Variants in CTNNA2 observed in about 807,000 individuals in gnomAD.
CTNNA2 encodes catenin alpha 2.
In CTNNA2, 42 loss-of-function variants were observed where a neutral mutation model predicts 101.0. The observed-to-expected ratio is 0.42, with a 90% CI of 0.32 to 0.54. The LOEUF (loss-of-function observed/expected upper bound fraction) is 0.54. Ranked by LOEUF, CTNNA2 falls within the 20% of genes least tolerant of loss-of-function variation. The probability of loss-of-function intolerance (pLI) is 0.14; values close to 1 mark genes in which losing one functional copy is unlikely to be tolerated. For synonymous variants in CTNNA2, 450 were observed against 456.4 expected (o/e 0.99, Z 0.18); for missense variants, 871 against 1,223.1 (o/e 0.71, Z 4.29).
At chr2:79,494,762 C>A (rs2104567790) in intron 4 of CTNNA2, among the ~76,000 whole-genome samples, 1 of 151,898 alleles carries the variant, frequency 6.6e-6, no homozygotes, top group East Asian at 1.9e-4. Context: ...GTCTTAGAGA[C>A]AACATTAAAA....
intron 1 of CTNNA2, among the ~76,000 whole-genome samples, chr2:79,531,374 T>C (rs1672734255): frequency 6.6e-6 from 1 of 151,900 alleles, no homozygotes; most frequent in South Asian, 2.1e-4. Context: ...ATAACAGTGT[T>C]GAAAACATAG....
At chr2:79,891,365 T>C (rs1281123683) in intron 6 of CTNNA2, among the ~76,000 whole-genome samples, 1 of 152,172 alleles carries the variant, frequency 6.6e-6, no homozygotes, top group African/African-American at 2.4e-5. Context: ...TCTAATTAAT[T>C]TGAATATATA....
At chr2:80,525,042 A>C (rs1284654253) in intron 9 of CTNNA2, among the ~76,000 whole-genome samples, 1 of 151,988 alleles carries the variant, frequency 6.6e-6, no homozygotes, top group South Asian at 2.1e-4. Flanking sequence ...ATCACTGAGC[A>C]GTATACACTT....
intron 1 of CTNNA2, among the ~76,000 whole-genome samples, chr2:79,609,393 T>G (rs1473610115): frequency 6.6e-6 from 1 of 152,204 alleles, no homozygotes; most frequent in African/African-American, 2.4e-5. Flanking sequence ...AAATTGATTA[T>G]ATGCAATCTC....
chr2:79,788,316 G>A (rs1256305103), intron 3 of CTNNA2, among the ~76,000 whole-genome samples: 1 of 152,180 alleles, frequency 6.6e-6, no homozygotes, highest in Non-Finnish European at 1.5e-5. Context: ...GCAGGCAGAT[G>A]TTGCAGAGAC....
At chr2:79,994,717 A>AT (rs1186986707) in intron 7 of CTNNA2, among the ~76,000 whole-genome samples, 1 of 152,176 alleles carries the variant, frequency 6.6e-6, no homozygotes, top group Non-Finnish European at 1.5e-5. Flanking sequence ...GCAAAAAAAA[A>AT]GCTTTTGGTA....
intron 7 of CTNNA2, among the ~76,000 whole-genome samples, chr2:79,943,409 AAG>A (rs1688292975): frequency 6.6e-6 from 1 of 152,192 alleles, no homozygotes; most frequent in Non-Finnish European, 1.5e-5. Context: ...GTAGAAAAAA[AAG>A]AAGTCCAGAG....
intron 7 of CTNNA2, among the ~76,000 whole-genome samples, chr2:80,202,674 C>G (rs1411327578): frequency 1.3e-5 from 2 of 151,478 alleles, no homozygotes; most frequent in Non-Finnish European, 2.9e-5. Context: ...CAAAGCTCAA[C>G]TAATAATCAA....
At chr2:79,392,231 G>C (rs1020566438) in intron 4 of CTNNA2, among the ~76,000 whole-genome samples, 2 of 152,164 alleles carry the variant, frequency 1.3e-5, no homozygotes, top group African/African-American at 2.4e-5. Flanking sequence ...ACTTCAGTAT[G>C]ACTGAGATTT....
At chr2:80,495,989 A>G (rs796287997) in intron 9 of CTNNA2, among the ~76,000 whole-genome samples, 1 of 149,326 alleles carries the variant, frequency 6.7e-6, no homozygotes, top group Non-Finnish European at 1.5e-5. Flanking sequence ...GAAGACAGAG[A>G]CACATAGGGA....
chr2:80,509,647 G>A (rs996836083), intron 9 of CTNNA2, among the ~76,000 whole-genome samples: 3 of 152,176 alleles, frequency 2.0e-5, no homozygotes, highest in Non-Finnish European at 4.4e-5. Flanking sequence ...ACCAATGAGA[G>A]AAGGAGGAAC....
At chr2:79,219,932 A>G (rs1674320044) in intron 2 of CTNNA2, among the ~76,000 whole-genome samples, 1 of 152,158 alleles carries the variant, frequency 6.6e-6, no homozygotes, top group Admixed American at 6.5e-5. Flanking sequence ...GCTATTCGAA[A>G]GCGCTCTTTG....
chr2:79,882,237 C>T (rs1683488697), intron 6 of CTNNA2, among the ~76,000 whole-genome samples: 1 of 152,116 alleles, frequency 6.6e-6, no homozygotes, highest in South Asian at 2.1e-4. Flanking sequence ...CTGCCCTTAA[C>T]ATTTTTTCCT....
intron 4 of CTNNA2, among the ~76,000 whole-genome samples, chr2:79,403,972 C>A (rs1036141256): frequency 3.3e-5 from 5 of 151,942 alleles, no homozygotes; most frequent in Non-Finnish European, 5.9e-5. Context: ...GTCCTGGATG[C>A]TTAATCTATT....
chr2:80,576,871 G>A (rs1008257147), intron 13 of CTNNA2, among the ~76,000 whole-genome samples: 1 of 151,678 alleles, frequency 6.6e-6, no homozygotes, highest in Non-Finnish European at 1.5e-5. Context: ...GAGGCTGTGG[G>A]AGGAGAATTG....
chr2:80,625,622 AT>A (rs557979461), intron 18 of CTNNA2, among the ~76,000 whole-genome samples: 39 of 152,086 alleles, frequency 2.6e-4, no homozygotes, highest in East Asian at 5.8e-4. Flanking sequence ...TTGAATGCTC[AT>A]TTTTTTCCCT....
intron 2 of CTNNA2, among the ~76,000 whole-genome samples, chr2:79,691,999 C>T (rs1684336226): frequency 6.6e-6 from 1 of 152,118 alleles, no homozygotes; most frequent in Non-Finnish European, 1.5e-5. Context: ...AAAGCAATGG[C>T]AACAAAAGGC....
At chr2:80,084,975 G>A (rs1010187201) in intron 7 of CTNNA2, among the ~76,000 whole-genome samples, 31 of 152,062 alleles carry the variant, frequency 2.0e-4, no homozygotes, top group African/African-American at 5.8e-4. Flanking sequence ...GCAGATAGTA[G>A]TATGTGACTG....
At chr2:80,445,981 T>A (rs1020125396) in intron 9 of CTNNA2, among the ~76,000 whole-genome samples, 12 of 152,306 alleles carry the variant, frequency 7.9e-5, no homozygotes, top group African/African-American at 2.9e-4. Context: ...TGGGGAGTAT[T>A]GTCAGTGCCT....
Sources: gnomAD v4.1 joint callset for allele counts (sites outside exome capture counted in the v4.1 genomes callset) on GRCh38, gnomAD v4.1.1 for gene constraint, MANE v1.5 for transcripts, NCBI Gene and HGNC (gene_info 2026-07-23, HGNC 2026-07-21) for gene names.